Variants in POFUT3 observed in about 807,000 individuals in gnomAD.
The protein encoded by POFUT3 is protein O-fucosyltransferase 3.
the POFUT3 span, chr8:33,372,952 C>A: frequency 2.7e-6 from 2 of 734,562 alleles, no homozygotes; most frequent in Non-Finnish European, 4.4e-6. Context: ...TCACTTAATT[C>A]TTATGGTAAG....
chr8:33,423,747 T>C, the POFUT3 span, among the ~76,000 whole-genome samples: 508 of 145,398 alleles, frequency 3.5e-3, no homozygotes, highest in African/African-American at 0.012. Context: ...TAACAGTTTC[T>C]AGTATAGATT....
the POFUT3 span, among the ~76,000 whole-genome samples, chr8:33,420,211 A>G: frequency 1.3e-5 from 2 of 152,266 alleles, no homozygotes; most frequent in African/African-American, 4.8e-5. Flanking sequence ...GAACACTGTT[A>G]AAATAAAATT....
At chr8:33,462,169 G>GAGGGGAGGGGAAGGGA in the POFUT3 span, among the ~76,000 whole-genome samples, 3 of 6,052 alleles carry the variant, frequency 5.0e-4, no homozygotes, top group Admixed American at 2.4e-3. Context: ...AAGGGGAAGG[G>GAGGGGAGGGGAAGGGA]ACCAGAGTGG....
At chr8:33,415,257 G>A in the POFUT3 span, among the ~76,000 whole-genome samples, 1 of 151,978 alleles carries the variant, frequency 6.6e-6, no homozygotes, top group Admixed American at 6.6e-5. Context: ...GTGAGACTCT[G>A]CCTCAAAAAA....
chr8:33,318,507 ATATAT>A, the POFUT3 span, among the ~76,000 whole-genome samples: 1 of 123,534 alleles, frequency 8.1e-6, no homozygotes, highest in Non-Finnish European at 1.6e-5. Flanking sequence ...TTATAATATA[ATATAT>A]TATGATTATA....
the POFUT3 span, among the ~76,000 whole-genome samples, chr8:33,323,775 T>C: frequency 6.6e-6 from 1 of 152,204 alleles, no homozygotes; most frequent in African/African-American, 2.4e-5. Context: ...TAACTTTTTT[T>C]ACTTATTCCA....
At chr8:33,461,670 A>G in the POFUT3 span, 1 of 1,509,622 alleles carries the variant, frequency 6.6e-7, no homozygotes, top group Non-Finnish European at 8.8e-7. Flanking sequence ...CAGTCTTCTT[A>G]GGCTATCATC....
chr8:33,358,629 T>A, the POFUT3 span, among the ~76,000 whole-genome samples: 1 of 152,038 alleles, frequency 6.6e-6, no homozygotes, highest in Non-Finnish European at 1.5e-5. Flanking sequence ...TGCAAGATGA[T>A]GGTATTAGGA....
chr8:33,380,030 A>G, the POFUT3 span, among the ~76,000 whole-genome samples: 1 of 73,048 alleles, frequency 1.4e-5, no homozygotes, highest in African/African-American at 7.1e-5. Flanking sequence ...TATATATACT[A>G]TATATATACG....
chr8:33,438,180 C>T, the POFUT3 span, among the ~76,000 whole-genome samples: 6 of 152,234 alleles, frequency 3.9e-5, no homozygotes, highest in South Asian at 8.3e-4. Flanking sequence ...TTGAACAAAG[C>T]ATCTGAAAAG....
the POFUT3 span, among the ~76,000 whole-genome samples, chr8:33,310,043 A>C: frequency 6.6e-6 from 1 of 152,192 alleles, no homozygotes; most frequent in Non-Finnish European, 1.5e-5. Flanking sequence ...GGATGGAAGG[A>C]GTATTTTCTG....
chr8:33,461,401 CTG>C, the POFUT3 span: 1 of 1,612,842 alleles, frequency 6.2e-7, no homozygotes, highest in Non-Finnish European at 8.5e-7. Context: ...AAGACGGTGG[CTG>C]TGACGCACAG....
chr8:33,314,094 T>G, the POFUT3 span, among the ~76,000 whole-genome samples: 2 of 152,174 alleles, frequency 1.3e-5, no homozygotes, highest in Non-Finnish European at 2.9e-5. Context: ...AGCTTTAAAG[T>G]GCTGAGTTAT....
At chr8:33,326,768 C>T in the POFUT3 span, among the ~76,000 whole-genome samples, 4 of 143,742 alleles carry the variant, frequency 2.8e-5, no homozygotes, top group Non-Finnish European at 6.1e-5. Flanking sequence ...GACTCTCCTA[C>T]GTTTCCTTTT....
the POFUT3 span, among the ~76,000 whole-genome samples, chr8:33,414,174 TA>T: frequency 6.6e-6 from 1 of 152,112 alleles, no homozygotes. Context: ...AAGAGGCGAT[TA>T]AAAGTCCATT....
the POFUT3 span, among the ~76,000 whole-genome samples, chr8:33,312,513 C>T: frequency 6.6e-6 from 1 of 152,116 alleles, no homozygotes; most frequent in Non-Finnish European, 1.5e-5. Flanking sequence ...TAGCATGCAA[C>T]TATGATGAGT....
chr8:33,348,616 G>C, the POFUT3 span, among the ~76,000 whole-genome samples: 8 of 152,202 alleles, frequency 5.3e-5, no homozygotes, highest in Admixed American at 2.6e-4. Context: ...AAGAAGAAGA[G>C]TAATAGCCTT....
chr8:33,471,731 CT>C, the POFUT3 span, among the ~76,000 whole-genome samples: 27 of 152,154 alleles, frequency 1.8e-4, no homozygotes, highest in East Asian at 1.2e-3. Flanking sequence ...TGAAAACTTA[CT>C]TTTTTTTCTT....
chr8:33,369,569 C>T, the POFUT3 span, among the ~76,000 whole-genome samples: 1 of 152,268 alleles, frequency 6.6e-6, no homozygotes, highest in East Asian at 1.9e-4. Flanking sequence ...AGCCTGAGGT[C>T]CTAATGAATT....
Sources: allele counts gnomAD v4.1 joint callset (sites outside exome capture counted in the v4.1 genomes callset), GRCh38; gene constraint gnomAD v4.1.1; transcripts MANE v1.5; gene names NCBI Gene and HGNC (gene_info 2026-07-23, HGNC 2026-07-21).